ZFHX2: variants seen among roughly 807,000 people sequenced by gnomAD.
ZFHX2 encodes the protein zinc finger homeobox protein 2.
A neutral mutation model predicts 164.8 loss-of-function variants in ZFHX2; 75 were observed. That is an observed-to-expected ratio of 0.46 (90% CI 0.38 to 0.55). The LOEUF is 0.55. Ranked by LOEUF, ZFHX2 falls within the 20% of genes least tolerant of loss-of-function variation. The pLI is 0.00. For missense variants in ZFHX2, 2,933 were observed against 3,308.0 expected (o/e 0.89, Z 2.78); for synonymous variants, 1,217 against 1,351.4 (o/e 0.90, Z 2.18).
Position 23,533,654 on chromosome 14 carries a change from C to T in ZFHX2, c.1672G>A (p.Ala558Thr), listed in dbSNP as rs768952462. ...SPPEASLPPS[A>T]GDKEPKTKSS... ...TTGGTCTTAGGCTCTTTGTCTCCCG[C>T]GGAGGGTGGGAGTGATGCCTCTGGT... The change falls in exon 2 of 10, where the codon GCG becomes ACG. Residue 558 changes from alanine to threonine, a missense_variant. Ala to Thr is a moderately conservative substitution (Grantham distance 58). Transcript: ENST00000419474. The surrounding 1 kb of genome is among the most constrained non-coding windows in gnomAD (Gnocchi z 4.8). 28 of 1,537,070 alleles carry T rather than the reference C, an allele frequency of 1.8e-5. No homozygotes were observed. The highest frequency in any genetic ancestry group is 4.8e-5 in the South Asian group (4 of 84,096).
At position 23,533,581 on chromosome 14, in the gene ZFHX2, C is replaced by A; in HGVS notation, c.1745G>T (p.Arg582Leu). ...AGAGGTCATATGGATGCGCAGGTTA[C>A]GGGAGATGTTTGTCTCGTAGCTGCA... ...KVCSYETNIS[R>L]NLRIHMTSEK... is the part of the protein sequence containing the mutation. Residue 582 changes from arginine (R) to leucine (L), a missense_variant, in exon 2 of 10, where the codon CGT becomes CTT. By Grantham distance (102) the Arg-to-Leu change is moderately radical. Transcript: ENST00000419474. This position sits in a 1 kb window ranked among gnomAD's most constrained non-coding sequence, Gnocchi z 4.8. 1 of 1,536,590 alleles carries A rather than the reference C, an allele frequency of 6.5e-7. No homozygotes were observed. Among genetic ancestry groups the A allele is most frequent in the Non-Finnish European group, 8.7e-7 (1 of 1,147,004 alleles).
Position 23,530,203 on chromosome 14 carries a change from G to T in ZFHX2, c.2801-9C>A. ...GGTGACAGGAGCCTTCCCTGTGTAG[G>T]ATGGGGGGAGAGTCAGCTTAAAGAG... is the stretch of plus-strand genomic sequence containing the variant. On this transcript the variant is annotated splice_polypyrimidine_tract_variant and intron_variant, in intron 4 of 9. Transcript: ENST00000419474. 6.6e-7 allele frequency: 1 copy of T among 1,524,440 alleles called. No homozygotes were observed. The highest frequency in any genetic ancestry group is 8.8e-7 in the Non-Finnish European group (1 of 1,136,498). 94.4% of individuals were successfully genotyped at this position (1,524,440 alleles called of 1,614,324 possible). A position where few individuals can be genotyped will look rare whatever the true frequency, so the allele number is the denominator to read the frequency against.
chr14:23,529,824 T>C (rs1397972805), intron 5 of ZFHX2, 56 bp from the exon 6 acceptor site: 14 of 1,499,564 alleles, frequency 9.3e-6, no homozygotes, highest in Non-Finnish European at 1.3e-5. Flanking sequence ...AGATGATTTG[T>C]AGCAGAGAGC....
Position 23,526,830 on chromosome 14 carries a change from G to A in ZFHX2, c.3262+17C>T. The stretch of plus-strand genomic sequence containing the variant: ...CCTTTCCTGGTACCTTGGGAGGTTT[G>A]CTGTTCCATTCCTTACCTGCTGCCT... On this transcript the variant is annotated intron_variant, in intron 8 of 9. Coordinates refer to ENST00000419474, the MANE Select transcript of ZFHX2 (RefSeq NM_033400.3). 4.6e-6 allele frequency: 7 copies of A among 1,524,876 alleles called. No homozygotes were observed. Among genetic ancestry groups the A allele is most frequent in the Non-Finnish European group, 6.1e-6 (7 of 1,141,546 alleles). 94.5% of individuals were successfully genotyped at this position (1,524,876 alleles called of 1,614,324 possible).
At chr14:23,539,517 G>A (rs1880561404) in intron 1 of ZFHX2, among the ~76,000 whole-genome samples, 1 of 152,156 alleles carries the variant, frequency 6.6e-6, no homozygotes, top group African/African-American at 2.4e-5. Context: ...CGAGCAAGAT[G>A]GGGGAAATAG....
chr14:23,534,073 G>C lies in ZFHX2; in HGVS notation c.1253C>G (p.Pro418Arg). Reference sequence around the variant, plus strand: ...GGTGTAGTCATCAGCTAGGCGATAGGGCTGGGGTGGGTCACTGGGGTCTTC... The same window carrying C: ...GGTGTAGTCATCAGCTAGGCGATAGCGCTGGGGTGGGTCACTGGGGTCTTC... Reference protein sequence around the residue: ...SPEDPSDPPQPYRLADDYTPA... With the variant: ...SPEDPSDPPQRYRLADDYTPA... Residue 418 changes from proline to arginine, a missense_variant, in exon 2 of 10, where the codon CCC (proline) becomes CGC (arginine). By Grantham distance (103) the Pro-to-Arg change is moderately radical. Coordinates refer to ENST00000419474, the MANE Select transcript of ZFHX2 (RefSeq NM_033400.3). This position sits in a 1 kb window ranked among gnomAD's most constrained non-coding sequence, Gnocchi z 4.5. 6 of 1,519,028 alleles carry C rather than the reference G, an allele frequency of 3.9e-6. No individual in the cohort carries two copies. Among genetic ancestry groups the C allele is most frequent in the Non-Finnish European group, 5.3e-6 (6 of 1,136,766 alleles). 94.1% of individuals were successfully genotyped at this position (1,519,028 alleles called of 1,614,324 possible).
At chr14:23,547,186 C>G (rs765581349) in intron 1 of ZFHX2, among the ~76,000 whole-genome samples, 1 of 152,364 alleles carries the variant, frequency 6.6e-6, no homozygotes, top group Non-Finnish European at 1.5e-5. Context: ...GGCCATCCCT[C>G]ACAGGGTTCT....
intron 1 of ZFHX2, among the ~76,000 whole-genome samples, chr14:23,541,746 C>T (rs1205565800): frequency 1.3e-5 from 2 of 152,206 alleles, no homozygotes; most frequent in African/African-American, 2.4e-5. Context: ...CTATTCTGGC[C>T]TTTCCCTGCA....
chr14:23,541,000 G>C (rs1229396813), intron 1 of ZFHX2, among the ~76,000 whole-genome samples: 1 of 152,040 alleles, frequency 6.6e-6, no homozygotes, highest in Non-Finnish European at 1.5e-5. Context: ...CCACCTCCCA[G>C]GTTCAAGTGA....
rs1325896295 is a variant in ZFHX2 at position 23,523,457 on chromosome 14, C to T, written c.6485G>A (p.Arg2162Gln). The change falls in exon 9 of 10, where the codon CGA becomes CAA. Residue 2162 changes from arginine (R) to glutamine (Q), a missense_variant. Physicochemically the swap from Arg to Gln is conservative, Grantham distance 43. Coordinates refer to ENST00000419474, the MANE Select transcript of ZFHX2 (RefSeq NM_033400.3). This position sits in a 1 kb window ranked among gnomAD's most constrained non-coding sequence, Gnocchi z 4.1. ...GTGCTGACGGGAAAAGAGATGGCCTCGGCAGGAGACATAGAAATCATACTT... is the reference window on the plus strand; with the variant it reads ...GTGCTGACGGGAAAAGAGATGGCCTTGGCAGGAGACATAGAAATCATACTT... ...DVKYDFYVSC[R>Q]GHLFSRQHLA... is the part of the protein sequence containing the mutation. 2.0e-6 allele frequency: 3 copies of T among 1,535,852 alleles called. No individual in the cohort carries two copies. Among genetic ancestry groups the T allele is most frequent in the South Asian group, 1.2e-5 (1 of 83,990 alleles).
In ZFHX2 at chr14:23,525,635, G is replaced by A; in HGVS notation, c.4307C>T (p.Ala1436Val). 1 of 1,535,856 alleles carries A rather than the reference G, an allele frequency of 6.5e-7. No homozygotes were observed. The highest frequency in any genetic ancestry group is 8.7e-7 in the Non-Finnish European group (1 of 1,146,876). ...SPPDPLPNEA[A>V]RTAAKALLEN... ...TAGAAGGGCTTTGGCTGCAGTGCGG[G>A]CAGCCTCGTTGGGCAATGGGTCGGG... Residue 1436 changes from alanine (A) to valine (V), a missense_variant, in exon 9 of 10, where the codon GCC (alanine) becomes GTC (valine). Ala to Val is a moderately conservative substitution (Grantham distance 64, BLOSUM62 0). Transcript: ENST00000419474. This position sits in a 1 kb window ranked among gnomAD's most constrained non-coding sequence, Gnocchi z 5.9.
At chr14:23,550,820 C>T (rs984648084) in intron 1 of ZFHX2, among the ~76,000 whole-genome samples, 1 of 152,154 alleles carries the variant, frequency 6.6e-6, no homozygotes, top group African/African-American at 2.4e-5. Flanking sequence ...GTATCCACGT[C>T]CCCTCCCACT....
In ZFHX2 at chr14:23,521,153, G is replaced by A. The variant is rs114904682; in HGVS notation, c.*809C>T. ...TTAAAGCCTTTGAGAATAAGTTACT[G>A]CAGTTCCCAGGGTGCAAGGTAGGGA... On this transcript the variant is annotated 3_prime_UTR_variant, in exon 10 of 10. Transcript: ENST00000419474. 1.6e-4 allele frequency: 24 copies of A among 152,460 alleles called. No individual in the cohort carries two copies. Among genetic ancestry groups the A allele is most frequent in the African/African-American group, 5.1e-4 (21 of 41,564 alleles). The allele number at this position is 152,460 out of a possible 1,614,324, so 9.4% of individuals were successfully genotyped here. A position where few individuals can be genotyped will look rare whatever the true frequency, so the allele number is the denominator to read the frequency against.
chr14:23,524,715 C>G lies in ZFHX2; in HGVS notation c.5227G>C (p.Glu1743Gln), dbSNP rs139782133. Residue 1743 changes from glutamate to glutamine, a missense_variant, in exon 9 of 10, where the codon GAG becomes CAG. Physicochemically the swap from Glu to Gln is conservative, Grantham distance 29 (BLOSUM62 2). Transcript: ENST00000419474. This position sits in a 1 kb window ranked among gnomAD's most constrained non-coding sequence, Gnocchi z 5.6. ...TTTGTTGCCTCTGCTTGGCTCAGCTCCTCCCCATCTGGAGGCTCTGGTAAT... is the reference window on the plus strand; with the variant it reads ...TTTGTTGCCTCTGCTTGGCTCAGCTGCTCCCCATCTGGAGGCTCTGGTAAT... ...GPLPEPPDGE[E>Q]LSQAEATKAG... 1 of 1,536,200 alleles carries G rather than the reference C, an allele frequency of 6.5e-7. No individual in the cohort carries two copies. Among genetic ancestry groups the G allele is most frequent in the African/African-American group, 1.4e-5 (1 of 72,998 alleles).
At chr14:23,540,410 C>T (rs1880673328) in intron 1 of ZFHX2, among the ~76,000 whole-genome samples, 1 of 152,194 alleles carries the variant, frequency 6.6e-6, no homozygotes, top group African/African-American at 2.4e-5. Context: ...AGGCATTGCA[C>T]CCTTCCATAC....
At chr14:23,540,293 C>A (rs1880656255) in intron 1 of ZFHX2, among the ~76,000 whole-genome samples, 1 of 152,214 alleles carries the variant, frequency 6.6e-6, no homozygotes, top group Admixed American at 6.5e-5. Flanking sequence ...GCCCAACCTT[C>A]CTAACAGTTT....
rs1881442549 is a variant in ZFHX2, at chr14:23,546,856, T to A, written c.-50+4487A>T. Among the ~76,000 whole-genome samples the A allele has an allele frequency of 6.6e-6, 1 of 152,182 alleles. No homozygotes were observed. Among genetic ancestry groups the A allele is most frequent in the Non-Finnish European group, 1.5e-5 (1 of 68,012 alleles). On this transcript the variant is annotated intron_variant, in intron 1 of 9. Transcript: ENST00000419474. The surrounding 1 kb of genome is among the most constrained non-coding windows in gnomAD (Gnocchi z 4.7). ...TGGCTGACAGTGCAACAGCCACCAC[T>A]GTCCTTCCTTCAGGCCCCCCGCCCA...
rs1258526555 is a variant in ZFHX2, at chr14:23,534,234, T to C, written c.1092A>G (p.Pro364=). The part of the protein sequence containing the change: ...DPSPTQAKES[P]VAAGEAGPDW... ...CTGGCCCTGCCTCGCCTGCTGCTAC[T>C]GGCGATTCTTTGGCTTGGGTTGGGC... Residue 364 remains proline, a synonymous_variant, in exon 2 of 10, where the codon CCA becomes CCG. Transcript: ENST00000419474. This position sits in a 1 kb window ranked among gnomAD's most constrained non-coding sequence, Gnocchi z 4.5. The C allele has an allele frequency of 2.0e-6, 3 of 1,519,476 alleles. No individual in the cohort carries two copies. In the South Asian group the frequency reaches 3.7e-5, roughly 19 times the overall value. 94.1% of individuals were successfully genotyped at this position (1,519,476 alleles called of 1,614,324 possible).
chr14:23,536,718 T>C (rs1566588694), intron 1 of ZFHX2, among the ~76,000 whole-genome samples: 2 of 152,174 alleles, frequency 1.3e-5, no homozygotes, highest in Admixed American at 6.5e-5. Context: ...AGCTCCAAGA[T>C]AGTGAAACTA....
Sources: gnomAD v4.1 joint callset for allele counts (sites outside exome capture counted in the v4.1 genomes callset) on GRCh38, gnomAD v4.1.1 for gene constraint, Gnocchi (gnomAD v3.1) non-coding constraint, MANE v1.5 for transcripts, NCBI Gene and HGNC (gene_info 2026-07-23, HGNC 2026-07-21) for gene names.